OSBPL10: variants seen among roughly 807,000 people sequenced by gnomAD.
OSBPL10 encodes oxysterol-binding protein-related protein 10.
OSBPL10 carries 49 observed loss-of-function variants against 81.7 expected under a neutral mutation model. That is an observed-to-expected ratio of 0.60 (90% CI 0.48 to 0.76). The LOEUF (loss-of-function observed/expected upper bound fraction) is 0.76. OSBPL10 is among the 30% of genes least tolerant of loss of function. The probability of loss-of-function intolerance (pLI) is 0.00; values close to 1 mark genes in which losing one functional copy is unlikely to be tolerated. For missense variants in OSBPL10, 923 were observed against 987.8 expected (o/e 0.93, Z 0.88); for synonymous variants, 419 against 383.6 (o/e 1.09, Z -1.08).
chr3:31,833,717 A>G (rs1042770695), intron 3 of OSBPL10, among the ~76,000 whole-genome samples: 1 of 151,622 alleles, frequency 6.6e-6, no homozygotes, highest in African/African-American at 2.4e-5. Context: ...ACACACACAC[A>G]CACACACACA....
intron 3 of OSBPL10, among the ~76,000 whole-genome samples, chr3:31,835,343 T>C (rs1027926278): frequency 6.6e-6 from 1 of 151,990 alleles, no homozygotes; most frequent in African/African-American, 2.4e-5. Flanking sequence ...CCCTTAATAC[T>C]TGCGATAAAC....
intron 3 of OSBPL10, among the ~76,000 whole-genome samples, chr3:31,870,386 C>G (rs1447711893): frequency 6.6e-6 from 1 of 152,252 alleles, no homozygotes. Context: ...GCCCGCCATG[C>G]CTGAGCCTCC....
chr3:31,672,184 G>A (rs1700338800), intron 8 of OSBPL10, among the ~76,000 whole-genome samples: 2 of 151,942 alleles, frequency 1.3e-5, no homozygotes, highest in African/African-American at 4.8e-5. Flanking sequence ...AGACATTCCT[G>A]GGAGCTCCAC....
intron 4 of OSBPL10, among the ~76,000 whole-genome samples, chr3:31,806,820 T>A (rs1027085937): frequency 3.3e-5 from 5 of 151,966 alleles, no homozygotes; most frequent in Non-Finnish European, 7.4e-5. Context: ...TGGGTGGATA[T>A]GCAGGGAACG....
rs563453762 is a variant in OSBPL10 at position 31,696,968 on chromosome 3, C to T, written c.1245+5391G>A. Among the ~76,000 whole-genome samples the T allele has an allele frequency of 1.3e-4, 20 of 152,346 alleles. No homozygotes were observed. The South Asian group carries it at 3.9e-3, about 30-fold the overall frequency. ...TCTCCAACGTGTTCTTCCCTAGTCT[C>T]CTCCTCCTCCATAAAATGGAGTGGT... On this transcript the variant is annotated intron_variant, in intron 7 of 11. Transcript: ENST00000396556.
chr3:31,692,829 C>G (rs1414151573), intron 7 of OSBPL10, among the ~76,000 whole-genome samples: 1 of 152,220 alleles, frequency 6.6e-6, no homozygotes, highest in Non-Finnish European at 1.5e-5. Flanking sequence ...AGAATCAATT[C>G]TGCTTGGCCA....
intron 4 of OSBPL10, among the ~76,000 whole-genome samples, chr3:31,820,270 G>T (rs1453976116): frequency 6.6e-6 from 1 of 152,094 alleles, no homozygotes; most frequent in Non-Finnish European, 1.5e-5. Flanking sequence ...ATGCCCTTAA[G>T]AAAGAAGGTT....
intron 3 of OSBPL10, among the ~76,000 whole-genome samples, chr3:31,874,044 C>G (rs1030832478): frequency 2.6e-5 from 4 of 151,804 alleles, no homozygotes; most frequent in Non-Finnish European, 5.9e-5. Flanking sequence ...ATAGATTAGT[C>G]AGTATTCCTG....
Position 32,036,517 on chromosome 3 carries a change from C to T in OSBPL10, n.298+9974G>A, listed in dbSNP as rs1008491698. On this transcript the variant is annotated intron_variant and non_coding_transcript_variant, in intron 2 of 3. Coordinates refer to the OSBPL10 transcript ENST00000479173. ...AACCAAATAAAAAATCCTTAGATTGCCTCAAGGTTACCATGGGGTAAACCA... is the reference window on the plus strand; with the variant it reads ...AACCAAATAAAAAATCCTTAGATTGTCTCAAGGTTACCATGGGGTAAACCA... Among the ~76,000 whole-genome samples the T allele has an allele frequency of 1.3e-4, 20 of 152,152 alleles. 1 individual carries two copies. Among genetic ancestry groups the T allele is most frequent in the Middle Eastern group, 6.3e-3 (2 of 316 alleles).
chr3:31,984,445 G>A (rs1288071055), upstream of OSBPL10, among the ~76,000 whole-genome samples: 1 of 151,866 alleles, frequency 6.6e-6, no homozygotes, highest in Non-Finnish European at 1.5e-5. Context: ...GTCGAAGTTT[G>A]TCTTCTTGCA....
chr3:31,701,444 A>G (rs1183326859), intron 7 of OSBPL10, among the ~76,000 whole-genome samples: 2 of 152,112 alleles, frequency 1.3e-5, no homozygotes, highest in Non-Finnish European at 2.9e-5. Context: ...CACATAACAT[A>G]GCATTTCGTA....
At chr3:31,922,389 C>A (rs191244243) in intron 1 of OSBPL10, among the ~76,000 whole-genome samples, 2 of 152,086 alleles carry the variant, frequency 1.3e-5, no homozygotes, top group East Asian at 3.9e-4. Flanking sequence ...GAGGCCATGG[C>A]GGGCAGATCA....
At chr3:31,818,847 A>G (rs1207659178) in intron 4 of OSBPL10, among the ~76,000 whole-genome samples, 1 of 151,790 alleles carries the variant, frequency 6.6e-6, no homozygotes, top group Non-Finnish European at 1.5e-5. Flanking sequence ...AAGGTACAAA[A>G]CTCACTGAAC....
chr3:32,057,724 T>C (rs1298663915), intron 1 of OSBPL10, among the ~76,000 whole-genome samples: 3 of 152,168 alleles, frequency 2.0e-5, no homozygotes, highest in Non-Finnish European at 4.4e-5. Flanking sequence ...GGATTATAAT[T>C]CAAATGAGAT....
intron 4 of OSBPL10, among the ~76,000 whole-genome samples, chr3:31,766,739 G>A (rs2125735687): frequency 6.6e-6 from 1 of 152,280 alleles, no homozygotes; most frequent in East Asian, 1.9e-4. Flanking sequence ...TGGAACATCA[G>A]TTAAGGCTTT....
At chr3:31,848,994 TCTGG>T (rs1045298555) in intron 3 of OSBPL10, among the ~76,000 whole-genome samples, 1 of 152,254 alleles carries the variant, frequency 6.6e-6, no homozygotes, top group Non-Finnish European at 1.5e-5. Context: ...TCCACCTGAA[TCTGG>T]CTGGCTGTGT....
intron 8 of OSBPL10, among the ~76,000 whole-genome samples, chr3:31,672,660 G>A (rs113571860): frequency 2.5e-4 from 38 of 152,212 alleles, no homozygotes; most frequent in African/African-American, 7.9e-4. Flanking sequence ...AGGCTTGTCC[G>A]AACCAGCAAC....
At chr3:31,687,932 TA>T (rs1700834864) in intron 7 of OSBPL10, among the ~76,000 whole-genome samples, 2 of 151,102 alleles carry the variant, frequency 1.3e-5, no homozygotes, top group African/African-American at 4.9e-5. Context: ...ATAATTTTTT[TA>T]AAAGAAGTGG....
intron 3 of OSBPL10, among the ~76,000 whole-genome samples, chr3:31,874,488 A>T (rs1202285763): frequency 1.3e-5 from 2 of 152,190 alleles, no homozygotes; most frequent in African/African-American, 2.4e-5. Flanking sequence ...GCCAAAAAAA[A>T]TCCTTTGTAC....
Sources: allele counts gnomAD v4.1 joint callset (sites outside exome capture counted in the v4.1 genomes callset), GRCh38; gene constraint gnomAD v4.1.1; transcripts MANE v1.5; gene names NCBI Gene and HGNC (gene_info 2026-07-23, HGNC 2026-07-21).